CDK2: variants seen among roughly 807,000 people sequenced by gnomAD.
The protein encoded by CDK2 is cyclin-dependent kinase 2.
CDK2 carries 8 observed loss-of-function variants against 35.0 expected under a neutral mutation model. The observed-to-expected ratio is 0.23, with a 90% CI of 0.13 to 0.41. The LOEUF (loss-of-function observed/expected upper bound fraction) is 0.41, where lower values mean the gene tolerates loss of function less well. Ranked by LOEUF, CDK2 falls within the 10% of genes least tolerant of loss-of-function variation. CDK2 has a pLI of 1.00. For synonymous variants in CDK2, 134 were observed against 137.7 expected, an observed-to-expected ratio of 0.97 and a Z score of 0.19; for missense variants, 201 against 367.1, an observed-to-expected ratio of 0.55 and a Z score of 3.70.
In CDK2 at chr12:55,968,954, TC is replaced by T; in HGVS notation, c.486+9del. On this transcript the variant is annotated splice_region_variant and intron_variant, in intron 4 of 6. Coordinates refer to ENST00000266970, the MANE Select transcript of CDK2 (RefSeq NM_001798.5). Reference sequence around the variant, plus strand: ...TTCGTACTTACACCCATGAGGTGAGTCCCTTTATGTCTTTTTTCTCTGAGCT... The same window carrying T: ...TTCGTACTTACACCCATGAGGTGAGTCCTTTATGTCTTTTTTCTCTGAGCT... The T allele has an allele frequency of 6.4e-7, 1 of 1,552,848 alleles. No homozygotes were observed. Among genetic ancestry groups the T allele is most frequent in the Non-Finnish European group, 8.7e-7 (1 of 1,152,210 alleles).
chr12:55,968,115 C>T lies in CDK2; in HGVS notation c.261C>T (p.Leu87=). 1 of 1,614,052 alleles carries T rather than the reference C, an allele frequency of 6.2e-7. No individual in the cohort carries two copies. Among genetic ancestry groups the T allele is most frequent in the Non-Finnish European group, 8.5e-7 (1 of 1,179,946 alleles). Reference sequence around the variant, plus strand: ...TTTTTGAATTTCTGCACCAAGATCTCAAGAAATTCATGGATGCCTCTGCTC... The same window carrying T: ...TTTTTGAATTTCTGCACCAAGATCTTAAGAAATTCATGGATGCCTCTGCTC... ...YLVFEFLHQD[L]KKFMDASALT... Residue 87 remains leucine (L), a synonymous_variant, in exon 3 of 7, where the codon CTC becomes CTT. Coordinates refer to ENST00000266970, the MANE Select transcript of CDK2 (RefSeq NM_001798.5).
rs774683147 is a variant in CDK2 at position 55,971,234 on chromosome 12, G to A, written c.779G>A (p.Arg260Gln). The change falls in exon 6 of 7, where the codon CGG (arginine) becomes CAG (glutamine). Residue 260 changes from arginine to glutamine, a missense_variant. This residue lies in a region of CDK2 where 106 missense variants were observed against 141.3 expected (regional missense o/e 0.75). Transcript: ENST00000266970. The part of the protein sequence containing the change: ...KVVPPLDEDG[R>Q]SLLSQMLHYD... ...GTACCTCCCCTGGATGAAGATGGAC[G>A]GAGCTTGTTATCGGTGAGAGTGGGC... The A allele has an allele frequency of 5.0e-6, 8 of 1,613,836 alleles. No homozygotes were observed. The highest frequency in any genetic ancestry group is 2.2e-5 in the East Asian group (1 of 44,880).
intron 5 of CDK2, among the ~76,000 whole-genome samples, chr12:55,970,287 T>A (rs1409908330): frequency 2.1e-4 from 7 of 33,106 alleles, no homozygotes; most frequent in South Asian, 9.9e-4. Context: ...AGATTCCATC[T>A]CAAAAAAAAA....
Position 55,967,073 on chromosome 12 carries a change from G to A in CDK2, c.65G>A (p.Arg22Lys), listed in dbSNP as rs1889336965. 6.2e-7 allele frequency: 1 copy of A among 1,614,082 alleles called. No homozygotes were observed. Among genetic ancestry groups the A allele is most frequent in the Non-Finnish European group, 8.5e-7 (1 of 1,180,008 alleles). Residue 22 changes from arginine (R) to lysine (K), a missense_variant, in exon 1 of 7, where the codon AGA becomes AAA. Transcript: ENST00000266970. ...EGTYGVVYKA[R>K]NKLTGEVVAL... ...ACGTACGGAGTTGTGTACAAAGCCA[G>A]AAACAAGTTGACGGGAGAGGTGGTG...
At chr12:55,967,183 AC>A (rs1889343253) in intron 1 of CDK2, 59 bp downstream of exon 1, 10 of 1,299,226 alleles carry the variant, frequency 7.7e-6, no homozygotes, top group Non-Finnish European at 8.8e-6. Flanking sequence ...GTCCCCCCCA[AC>A]CCCCCACGGG....
In CDK2 at chr12:55,968,965, C is replaced by CT. The variant is rs756438552; in HGVS notation, c.486+23dup. ...ACCCATGAGGTGAGTCCCTTTATGT[C>CT]TTTTTTCTCTGAGCTTCCCAAGAGG... On this transcript the variant is annotated intron_variant, in intron 4 of 6. Coordinates refer to ENST00000266970, the MANE Select transcript of CDK2 (RefSeq NM_001798.5). 7.8e-6 allele frequency: 12 copies of CT among 1,540,944 alleles called. No individual in the cohort carries two copies. The highest frequency in any genetic ancestry group is 1.4e-5 in the African/African-American group (1 of 71,530).
chr12:55,970,988 A>G (rs767904170), intron 5 of CDK2, 56 bp from the exon 6 acceptor site: 3 of 1,462,718 alleles, frequency 2.1e-6, no homozygotes, highest in Non-Finnish European at 2.9e-6. Flanking sequence ...TGTATAGAGG[A>G]GAGTTTTGAC....
chr12:55,970,854 A>C (rs976233377), intron 5 of CDK2, 190 bp from the exon 6 acceptor site: 83 of 702,136 alleles, frequency 1.2e-4, no homozygotes, highest in Admixed American at 7.8e-4. Context: ...GGAAGGAAGG[A>C]GGGGGCGAGG....
chr12:55,968,181 C>T lies in CDK2; in HGVS notation c.315+12C>T. On this transcript the variant is annotated intron_variant, in intron 3 of 6. Transcript: ENST00000266970. ...TTCCCCTCATCAAGGTAATGCTTCT[C>T]ATCAGCTCCTCTCATCATGGGCATG... is the stretch of plus-strand genomic sequence containing the variant. The T allele has an allele frequency of 6.2e-7, 1 of 1,613,748 alleles. No homozygotes were observed. The highest frequency in any genetic ancestry group is 8.5e-7 in the Non-Finnish European group (1 of 1,179,662).
chr12:55,968,053 C>T lies in CDK2; in HGVS notation c.199C>T (p.Leu67=), dbSNP rs1002329912. The T allele has an allele frequency of 5.0e-6, 8 of 1,613,990 alleles. No homozygotes were observed. Among genetic ancestry groups the T allele is most frequent in the Non-Finnish European group, 6.8e-6 (8 of 1,180,024 alleles). Residue 67 remains leucine, a synonymous_variant, in exon 3 of 7, where the codon CTG becomes TTG. Transcript: ENST00000266970. ...ELNHPNIVKL[L]DVIHTENKLY... ...CCTCAAACTTTCCTTCTCTAGGCTG[C>T]TGGATGTCATTCACACAGAAAATAA... is the stretch of plus-strand genomic sequence containing the variant.
In CDK2 at chr12:55,968,824, A is replaced by G. The variant is rs749695697; in HGVS notation, c.362A>G (p.His121Arg). The change falls in exon 4 of 7, where the codon CAT (histidine) becomes CGT (arginine). Residue 121 changes from histidine to arginine, a missense_variant. Transcript: ENST00000266970. ...LLQGLAFCHS[H>R]RVLHRDLKPQ... ...CAGGGCCTAGCTTTCTGCCATTCTCATCGGGTCCTCCACCGAGACCTTAAA... is the reference window on the plus strand; with the variant it reads ...CAGGGCCTAGCTTTCTGCCATTCTCGTCGGGTCCTCCACCGAGACCTTAAA... The G allele has an allele frequency of 6.2e-7, 1 of 1,606,640 alleles. No individual in the cohort carries two copies. Among genetic ancestry groups the G allele is most frequent in the South Asian group, 1.1e-5 (1 of 90,398 alleles).
intron 4 of CDK2, 105 bp downstream of exon 4, chr12:55,969,053 A>G: frequency 1.2e-6 from 1 of 864,946 alleles, no homozygotes; most frequent in Non-Finnish European, 1.8e-6. Context: ...TACTAGGTAG[A>G]AATAATCTCT....
At chr12:55,971,445 C>G (rs1415830024) in intron 6 of CDK2, 76 bp from the exon 7 acceptor site, 2 of 1,261,556 alleles carry the variant, frequency 1.6e-6, no homozygotes, top group Non-Finnish European at 2.3e-6. Context: ...TTCTGGTTTC[C>G]TGATTTCTGG....
At chr12:55,970,797 C>G (rs1414402115) in intron 5 of CDK2, 15 of 696,398 alleles carry the variant, frequency 2.2e-5, no homozygotes, top group East Asian at 2.1e-4. Context: ...ACATTCACCC[C>G]CTCCCAGACC....
chr12:55,969,882 C>A (rs3213122), intron 5 of CDK2: 17,477 of 210,186 alleles, frequency 0.083, 853 homozygotes, highest in African/African-American at 0.13. Context: ...CCATTTAGTG[C>A]CTCTTTTATT....
At position 55,971,564 on chromosome 12, in the gene CDK2, C is replaced by T. The variant is rs142099990; in HGVS notation, c.836C>T (p.Ala279Val). Residue 279 changes from alanine to valine, a missense_variant, in exon 7 of 7, where the codon GCA (alanine) becomes GTA (valine). By Grantham distance (64) the Ala-to-Val change is moderately conservative. Transcript: ENST00000266970. ...CCTAACAAGCGGATTTCGGCCAAGG[C>T]AGCCCTGGCTCACCCTTTCTTCCAG... ...YDPNKRISAK[A>V]ALAHPFFQDV... 6.2e-7 allele frequency: 1 copy of T among 1,614,072 alleles called. No individual in the cohort carries two copies.
At chr12:55,968,445 G>C (rs1338209475) in intron 3 of CDK2, 4 of 481,848 alleles carry the variant, frequency 8.3e-6, no homozygotes, top group Non-Finnish European at 1.1e-5. Context: ...AGAGCACTTG[G>C]TAAATTCCTC....
At position 55,970,982 on chromosome 12, in the gene CDK2, T is replaced by C. The variant is rs555406549; in HGVS notation, c.589-62T>C. 77 of 1,413,846 alleles carry C rather than the reference T, an allele frequency of 5.4e-5. No individual in the cohort carries two copies. In the East Asian group the frequency reaches 1.7e-3, roughly 31 times the overall value. 87.6% of individuals were successfully genotyped at this position (1,413,846 alleles called of 1,614,324 possible). The stretch of plus-strand genomic sequence containing the variant: ...TACTGTCTGTGGGAACTCCTTTGTA[T>C]AGAGGAGAGTTTTGACTGACGTCAA... On this transcript the variant is annotated intron_variant, in intron 5 of 6. Coordinates refer to ENST00000266970, the MANE Select transcript of CDK2 (RefSeq NM_001798.5).
At chr12:55,969,647 C>T in intron 5 of CDK2, 71 bp downstream of exon 5, 1 of 822,524 alleles carries the variant, frequency 1.2e-6, no homozygotes, top group Non-Finnish European at 2.0e-6. Context: ...AACAGAACTG[C>T]TTCTTGGCCC....
Sources: gnomAD v4.1 joint callset for allele counts (sites outside exome capture counted in the v4.1 genomes callset) on GRCh38, gnomAD v4.1.1 for gene constraint, gnomAD v4.1.1 regional missense constraint, MANE v1.5 for transcripts, NCBI Gene and HGNC (gene_info 2026-07-23, HGNC 2026-07-21) for gene names.